Variants in THRAP3 observed in about 807,000 individuals in gnomAD.
THRAP3 encodes the protein thyroid hormone receptor associated protein 3, also known as thyroid hormone receptor-associated protein 3.
THRAP3 carries 16 observed loss-of-function variants against 101.0 expected under a neutral mutation model. The observed-to-expected ratio is 0.16, with a 90% CI of 0.11 to 0.24. THRAP3 has a LOEUF of 0.24. Ranked by LOEUF, THRAP3 falls within the 10% of genes least tolerant of loss-of-function variation. THRAP3 has a pLI of 1.00. For synonymous variants in THRAP3, 407 were observed against 422.6 expected (o/e 0.96, Z 0.45); for missense variants, 989 against 1,202.7 (o/e 0.82, Z 2.63).
intron 1 of THRAP3, among the ~76,000 whole-genome samples, chr1:36,241,397 ATATATATATATAT>A (rs1645157294): frequency 1.1e-3 from 9 of 8,414 alleles, no homozygotes; most frequent in Middle Eastern, 0.056. Context: ...ATATATATAT[ATATATATATATAT>A]ATATATATAT....
chr1:36,245,676 A>G (rs1645222073), intron 1 of THRAP3, among the ~76,000 whole-genome samples: 1 of 152,180 alleles, frequency 6.6e-6, no homozygotes, highest in African/African-American at 2.4e-5. Context: ...TTGCAGAGAT[A>G]AAGTTTACTT....
At chr1:36,249,808 A>G (rs1249146852) in intron 1 of THRAP3, among the ~76,000 whole-genome samples, 1 of 151,796 alleles carries the variant, frequency 6.6e-6, no homozygotes, top group Non-Finnish European at 1.5e-5. Context: ...GGAACAGGAA[A>G]GTTCATTCTA....
At chr1:36,243,038 TG>T (rs1440043088) in intron 1 of THRAP3, among the ~76,000 whole-genome samples, 1 of 152,058 alleles carries the variant, frequency 6.6e-6, no homozygotes, top group Non-Finnish European at 1.5e-5. Context: ...CATTCCAGCC[TG>T]GGTGACAGTA....
intron 2 of THRAP3, among the ~76,000 whole-genome samples, chr1:36,275,316 G>C (rs901810261): frequency 7.0e-6 from 1 of 143,576 alleles, no homozygotes; most frequent in Non-Finnish European, 1.5e-5. Context: ...GTCTGGGTGT[G>C]GTGGCTCACG....
In THRAP3 at chr1:36,304,179, C is replaced by T. The variant is rs1253182487; in HGVS notation, c.*162C>T. ...CCGCGAGAGGCATCCCTGGCGCTGT[C>T]TCCCACTGGACAGAGGAGGCTGGCC... On this transcript the variant is annotated 3_prime_UTR_variant, in exon 12 of 12. Transcript: ENST00000354618. 2 of 1,153,560 alleles carry T rather than the reference C, an allele frequency of 1.7e-6. No individual in the cohort carries two copies. The highest frequency in any genetic ancestry group is 1.6e-5 in the African/African-American group (1 of 63,034). 71.5% of individuals were successfully genotyped at this position (1,153,560 alleles called of 1,614,324 possible).
chr1:36,234,118 G>C (rs917401090), intron 1 of THRAP3, among the ~76,000 whole-genome samples: 2 of 152,036 alleles, frequency 1.3e-5, no homozygotes, highest in African/African-American at 4.8e-5. Context: ...ACCATGCCTG[G>C]CTAATTTTTG....
At chr1:36,247,188 G>A (rs1208012644) in intron 1 of THRAP3, among the ~76,000 whole-genome samples, 1 of 151,964 alleles carries the variant, frequency 6.6e-6, no homozygotes, top group East Asian at 2.0e-4. Context: ...GTGGTGGTGG[G>A]CGCCTGTAAT....
chr1:36,214,490 T>C, the THRAP3 span, among the ~76,000 whole-genome samples: 1 of 152,192 alleles, frequency 6.6e-6, no homozygotes, highest in African/African-American at 2.4e-5. Flanking sequence ...TGATATAACT[T>C]CCTCACTGGT....
chr1:36,260,191 G>A (rs1470692782), intron 2 of THRAP3, among the ~76,000 whole-genome samples: 2 of 151,758 alleles, frequency 1.3e-5, no homozygotes, highest in African/African-American at 2.4e-5. Context: ...ACAGTGAGCC[G>A]AGATCTTGCC....
intron 2 of THRAP3, among the ~76,000 whole-genome samples, chr1:36,271,345 C>T (rs1645588260): frequency 6.6e-6 from 1 of 151,600 alleles, no homozygotes; most frequent in Non-Finnish European, 1.5e-5. Flanking sequence ...TGCAGTGATG[C>T]GATCTCTGCT....
intron 2 of THRAP3, among the ~76,000 whole-genome samples, chr1:36,281,636 GT>G (rs1291957298): frequency 6.9e-6 from 1 of 145,038 alleles, no homozygotes; most frequent in Non-Finnish European, 1.5e-5. Flanking sequence ...TTAAACAGTT[GT>G]TTTTTTTGTA....
At chr1:36,221,829 G>A (rs1644904394), upstream of THRAP3, among the ~76,000 whole-genome samples, 2 of 143,142 alleles carry the variant, frequency 1.4e-5, no homozygotes, top group Non-Finnish European at 1.5e-5. Context: ...TTTTTTTTGA[G>A]ACGGAGTTTT....
chr1:36,255,021 C>T (rs1645354529), intron 1 of THRAP3, among the ~76,000 whole-genome samples: 1 of 152,128 alleles, frequency 6.6e-6, no homozygotes, highest in South Asian at 2.1e-4. Context: ...TTGGAGCAGA[C>T]ATTGCACAGT....
Position 36,304,429 on chromosome 1 carries a change from A to G in THRAP3, c.*412A>G, listed in dbSNP as rs1646070802. On this transcript the variant is annotated 3_prime_UTR_variant, in exon 12 of 12. Transcript: ENST00000354618. ...TTTCGATCTCTTTTCCCCTGTCCTG[A>G]TTTTAAAAGCCCCCTCCTTTTTTTT... The G allele has an allele frequency of 4.7e-6, 1 of 213,010 alleles. No homozygotes were observed. The highest frequency in any genetic ancestry group is 9.1e-6 in the Non-Finnish European group (1 of 109,986). 13.2% of individuals were successfully genotyped at this position (213,010 alleles called of 1,614,324 possible).
intron 1 of THRAP3, among the ~76,000 whole-genome samples, chr1:36,234,918 A>G (rs900557501): frequency 8.7e-5 from 13 of 148,740 alleles, no homozygotes; most frequent in South Asian, 2.1e-4. Context: ...GGTTCAAGCA[A>G]TTCTCCTGCC....
chr1:36,299,546 G>C (rs867109206), intron 9 of THRAP3, among the ~76,000 whole-genome samples: 44 of 151,736 alleles, frequency 2.9e-4, no homozygotes, highest in Non-Finnish European at 3.1e-4. Context: ...TGTCACCCAG[G>C]CTGGAGTGCA....
At chr1:36,213,716 G>A in the THRAP3 span, among the ~76,000 whole-genome samples, 2,202 of 151,538 alleles carry the variant, frequency 0.015, 59 homozygotes, top group African/African-American at 0.049. Flanking sequence ...GCATGGTGGC[G>A]TGCGCCTGTA....
intron 1 of THRAP3, among the ~76,000 whole-genome samples, chr1:36,252,295 G>T (rs1030151596): frequency 3.9e-5 from 6 of 152,072 alleles, no homozygotes; most frequent in African/African-American, 1.4e-4. Context: ...CCCGCTAATT[G>T]TGTGCTTTTA....
chr1:36,292,763 A>G, intron 7 of THRAP3, 54 bp downstream of exon 7: 1 of 1,354,544 alleles, frequency 7.4e-7, no homozygotes, highest in Non-Finnish European at 1.0e-6. Context: ...TGTATCAGAC[A>G]TTAAACTCAC....
Sources: allele counts gnomAD v4.1 joint callset (sites outside exome capture counted in the v4.1 genomes callset), GRCh38; gene constraint gnomAD v4.1.1; transcripts MANE v1.5; gene names NCBI Gene and HGNC (gene_info 2026-07-23, HGNC 2026-07-21).